Variants in MROH2B observed in about 807,000 individuals in gnomAD.
MROH2B encodes the protein maestro heat like repeat family member 2B.
Under a neutral mutation model 208.6 loss-of-function variants are expected in MROH2B, and 177 were observed. The observed-to-expected ratio is 0.85, with a 90% CI of 0.75 to 0.96. MROH2B has a LOEUF of 0.96. Ranked by LOEUF, MROH2B falls within the 40% of genes least tolerant of loss-of-function variation. The probability of loss-of-function intolerance (pLI) is 0.00; values close to 1 mark genes in which losing one functional copy is unlikely to be tolerated. For synonymous variants in MROH2B, 728 were observed against 659.0 expected, an observed-to-expected ratio of 1.10 and a Z score of -1.60; for missense variants, 2,002 against 1,878.7, an observed-to-expected ratio of 1.07 and a Z score of -1.21.
At chr5:41,000,637 G>C (rs765277802) in intron 38 of MROH2B, 41 bp downstream of exon 38, 1 of 1,577,808 alleles carries the variant, frequency 6.3e-7, no homozygotes, top group African/African-American at 1.4e-5. Context: ...TCTCAGCCAT[G>C]GGGAGAGCAG....
In MROH2B at chr5:41,038,841, G is replaced by A; in HGVS notation, c.2109C>T (p.Val703=). The A allele has an allele frequency of 6.2e-7, 1 of 1,613,582 alleles. No individual in the cohort carries two copies. Among genetic ancestry groups the A allele is most frequent in the Non-Finnish European group, 8.5e-7 (1 of 1,179,712 alleles). Residue 703 remains valine (V), a synonymous_variant, in exon 21 of 42, where the codon GTC becomes GTT. Coordinates refer to ENST00000399564, the MANE Select transcript of MROH2B (RefSeq NM_173489.5). ...CATGGAGGGCCACTGCTCCATAGAT[G>A]ACCATGACATCTGTCTTGGTCAGGC... ...KKSLTKTDVM[V]IYGAVALHAP...
At chr5:41,012,103 C>T (rs1007353619) in intron 30 of MROH2B, among the ~76,000 whole-genome samples, 1 of 152,212 alleles carries the variant, frequency 6.6e-6, no homozygotes, top group Non-Finnish European at 1.5e-5. Flanking sequence ...GCTTAACTCT[C>T]CAGTTGGGAA....
In MROH2B at chr5:41,023,906, A is replaced by G. The variant is rs1279711205; in HGVS notation, c.2442-4888T>C. ...ACATTTTTAAAGAAAATAATTTTCA[A>G]CCCAGAATTTCATATCTAGCCAAAC... is the stretch of plus-strand genomic sequence containing the variant. On this transcript the variant is annotated intron_variant, in intron 24 of 41. Coordinates refer to ENST00000399564, the MANE Select transcript of MROH2B (RefSeq NM_173489.5). Among the ~76,000 whole-genome samples the G allele has an allele frequency of 2.6e-5, 4 of 152,230 alleles. 1 individual carries two copies. The South Asian group carries it at 8.3e-4, about 32-fold the overall frequency.
intron 18 of MROH2B, among the ~76,000 whole-genome samples, chr5:41,043,844 A>G (rs1743034465): frequency 6.6e-6 from 1 of 152,200 alleles, no homozygotes; most frequent in Non-Finnish European, 1.5e-5. Context: ...CTATACCTCA[A>G]GAGTCCTTGC....
chr5:41,000,408 G>A (rs1741353634), intron 38 of MROH2B, 57 bp from the exon 39 acceptor site: 3 of 1,588,510 alleles, frequency 1.9e-6, no homozygotes, highest in Non-Finnish European at 2.6e-6. Context: ...CCTTCCAGAA[G>A]GGAAAAAATG....
chr5:41,045,934 T>C lies in MROH2B; in HGVS notation c.1729-81A>G, dbSNP rs112352210. On this transcript the variant is annotated intron_variant, in intron 17 of 41. Transcript: ENST00000399564. ...GCATATTTTTGGTTATTTTATCTTT[T>C]AAAAGTTTAAATATATTTTAAATAG... The C allele has an allele frequency of 6.4e-4, 583 of 908,296 alleles. 1 individual carries two copies. In the African/African-American group the frequency reaches 8.3e-3, roughly 13 times the overall value. The allele number at this position is 908,296 out of a possible 1,614,324, so 56.3% of individuals were successfully genotyped here.
chr5:41,014,690 C>T (rs1455372937), intron 29 of MROH2B, among the ~76,000 whole-genome samples: 2 of 152,196 alleles, frequency 1.3e-5, no homozygotes, highest in East Asian at 1.9e-4. Context: ...CCTCTTTCTA[C>T]ACTTCAGGGG....
At position 41,038,842 on chromosome 5, in the gene MROH2B, A is replaced by T. The variant is rs1396565842; in HGVS notation, c.2108T>A (p.Val703Asp). The change falls in exon 21 of 42, where the codon GTC becomes GAC. Residue 703 changes from valine (V) to aspartate (D), a missense_variant. Val to Asp is a radical substitution (Grantham distance 152). Coordinates refer to ENST00000399564, the MANE Select transcript of MROH2B (RefSeq NM_173489.5). ...KKSLTKTDVM[V>D]IYGAVALHAP... The stretch of plus-strand genomic sequence containing the variant: ...ATGGAGGGCCACTGCTCCATAGATG[A>T]CCATGACATCTGTCTTGGTCAGGCT... The T allele has an allele frequency of 6.2e-7, 1 of 1,613,654 alleles. No homozygotes were observed. The highest frequency in any genetic ancestry group is 8.5e-7 in the Non-Finnish European group (1 of 1,179,714).
chr5:41,059,961 T>C (rs1024496605), intron 6 of MROH2B, among the ~76,000 whole-genome samples: 3 of 152,206 alleles, frequency 2.0e-5, no homozygotes, highest in Non-Finnish European at 4.4e-5. Flanking sequence ...TCCTCAAACC[T>C]ACTAATATCT....
At chr5:41,064,351 G>T in intron 5 of MROH2B, 121 bp downstream of exon 5, 1 of 731,210 alleles carries the variant, frequency 1.4e-6, no homozygotes, top group Non-Finnish European at 2.3e-6. Context: ...TCAATAAGTG[G>T]CAGCTATTAT....
chr5:41,000,291 C>T lies in MROH2B; in HGVS notation c.4411G>A (p.Val1471Ile), dbSNP rs766217356. 12 of 1,613,784 alleles carry T rather than the reference C, an allele frequency of 7.4e-6. No individual in the cohort carries two copies. In the South Asian group the frequency reaches 9.9e-5, roughly 13 times the overall value. The change falls in exon 39 of 42, where the codon GTA (valine) becomes ATA (isoleucine). Residue 1471 changes from valine (V) to isoleucine (I), a missense_variant. Coordinates refer to ENST00000399564, the MANE Select transcript of MROH2B (RefSeq NM_173489.5). ...PFLGLQELYG[V>I]LDRLLDQDLP... is the part of the protein sequence containing the mutation. Reference sequence around the variant, plus strand: ...TCCTGATCAAGGAGACGGTCTAATACCCCATAGAGCTCCTGGAGGCCCAAA... The same window carrying T: ...TCCTGATCAAGGAGACGGTCTAATATCCCATAGAGCTCCTGGAGGCCCAAA...
rs370720750 is a variant in MROH2B, at chr5:41,004,803, C to G, written c.3982G>C (p.Gly1328Arg). 1 of 1,613,828 alleles carries G rather than the reference C, an allele frequency of 6.2e-7. No individual in the cohort carries two copies. Among genetic ancestry groups the G allele is most frequent in the Non-Finnish European group, 8.5e-7 (1 of 1,179,866 alleles). Residue 1328 changes from glycine to arginine, a missense_variant, in exon 36 of 42, where the codon GGC becomes CGC. Transcript: ENST00000399564. ...TGAGGAGCCCCGGATGCTGTGTTGC[C>G]GAGCCCTCGGATGGCCATCTGCCTC... Reference protein sequence around the residue: ...TLRQMAIRGLGNTASGAPHKV... With the variant: ...TLRQMAIRGLRNTASGAPHKV...
intron 24 of MROH2B, among the ~76,000 whole-genome samples, chr5:41,028,921 T>C (rs1742472864): frequency 6.6e-6 from 1 of 152,136 alleles, no homozygotes; most frequent in Non-Finnish European, 1.5e-5. Flanking sequence ...CAATAGGTAA[T>C]TTTTCATCTC....
chr5:41,049,049 T>A, intron 15 of MROH2B, 52 bp downstream of exon 15: 1 of 1,529,596 alleles, frequency 6.5e-7, no homozygotes, highest in South Asian at 1.2e-5. Context: ...GGAACTGAAC[T>A]ATCCTTATCA....
Position 41,010,082 on chromosome 5 carries a change from A to G in MROH2B, c.3136-3T>C, listed in dbSNP as rs921109187. The G allele has an allele frequency of 2.5e-6, 4 of 1,611,728 alleles. No individual in the cohort carries two copies. In the African/African-American group the frequency reaches 4.0e-5, roughly 16 times the overall value. ...ATTGTGCCTAAGATCTCCAATAGCT[A>G]AAGAGAAAAAAGCCAAGTCAAACAT... On this transcript the variant is annotated splice_region_variant and splice_polypyrimidine_tract_variant and intron_variant, in intron 30 of 41. Transcript: ENST00000399564.
At chr5:41,026,594 G>A (rs1233310595) in intron 24 of MROH2B, among the ~76,000 whole-genome samples, 1 of 152,166 alleles carries the variant, frequency 6.6e-6, no homozygotes, top group African/African-American at 2.4e-5. Context: ...TCAATATCGT[G>A]AAAATGGCCA....
At position 41,055,985 on chromosome 5, in the gene MROH2B, C is replaced by T. The variant is rs182089087; in HGVS notation, c.920-130G>A. On this transcript the variant is annotated intron_variant, in intron 9 of 41. Coordinates refer to ENST00000399564, the MANE Select transcript of MROH2B (RefSeq NM_173489.5). ...TTCAGTTGGTAATTTGATTTTATTA[C>T]GTCCATGCTTCTTCAGTATCACAGA... 155 of 662,876 alleles carry T rather than the reference C, an allele frequency of 2.3e-4. 1 individual carries two copies. The East Asian group carries it at 3.5e-3, about 15-fold the overall frequency. The allele number at this position is 662,876 out of a possible 1,614,324, so 41.1% of individuals were successfully genotyped here.
chr5:41,012,635 C>A lies in MROH2B; in HGVS notation c.3083G>T (p.Gly1028Val). 1 of 1,613,846 alleles carries A rather than the reference C, an allele frequency of 6.2e-7. No homozygotes were observed. The highest frequency in any genetic ancestry group is 8.5e-7 in the Non-Finnish European group (1 of 1,179,796). The change falls in exon 30 of 42, where the codon GGC becomes GTC. Residue 1028 changes from glycine to valine, a missense_variant. By Grantham distance (109) the Gly-to-Val change is moderately radical. Transcript: ENST00000399564. ...SLNPTCTKAC[G>V]IWMITVLKQQ... Reference sequence around the variant, plus strand: ...CTTCAGGACAGTGATCATCCATATGCCACAGGCCTTTGTACAAGTGGGGTT... The same window carrying A: ...CTTCAGGACAGTGATCATCCATATGACACAGGCCTTTGTACAAGTGGGGTT...
chr5:41,011,647 T>C (rs1741777239), intron 30 of MROH2B, among the ~76,000 whole-genome samples: 1 of 151,380 alleles, frequency 6.6e-6, no homozygotes, highest in African/African-American at 2.4e-5. Flanking sequence ...GTTGCTTTCA[T>C]TTAGTGAAAG....
Sources: gnomAD v4.1 joint callset for allele counts (sites outside exome capture counted in the v4.1 genomes callset) on GRCh38, gnomAD v4.1.1 for gene constraint, MANE v1.5 for transcripts, NCBI Gene and HGNC (gene_info 2026-07-23, HGNC 2026-07-21) for gene names.